Variants in KSR2 observed in about 807,000 individuals in gnomAD.
KSR2 encodes kinase suppressor of ras 2.
Under a neutral mutation model 107.8 loss-of-function variants are expected in KSR2, and 25 were observed. The observed-to-expected ratio is 0.23, with a 90% CI of 0.17 to 0.32. The LOEUF is 0.32. Among genes scored for constraint, KSR2 ranks in the 10% least tolerant of loss-of-function variants. The pLI, the probability that KSR2 is intolerant of heterozygous loss-of-function variation, is 1.00. For synonymous variants in KSR2, 480 were observed against 507.0 expected (o/e 0.95, Z 0.71); for missense variants, 887 against 1,268.9 (o/e 0.70, Z 4.57).
chr12:117,968,314 G>T lies in KSR2; in HGVS notation c.-59C>A, dbSNP rs1896861192. The T allele has an allele frequency of 1.4e-6, 2 of 1,453,644 alleles. No individual in the cohort carries two copies. Among genetic ancestry groups the T allele is most frequent in the Middle Eastern group, 2.5e-4 (1 of 3,928 alleles). The allele number at this position is 1,453,644 out of a possible 1,614,324, so 90.0% of individuals were successfully genotyped here. A position where few individuals can be genotyped will look rare whatever the true frequency, so the allele number is the denominator to read the frequency against. ...CTCCCAGAGAGAAAAAAGAGGGGGG[G>T]GAGTAGAGGTAGTCTACCCTCCGCC... On this transcript the variant is annotated 5_prime_UTR_variant, in exon 1 of 20. Coordinates refer to ENST00000339824, the MANE Select transcript of KSR2 (RefSeq NM_173598.6).
At position 117,613,377 on chromosome 12, in the gene KSR2, C is replaced by G. The variant is rs373009191; in HGVS notation, c.1172-31018G>C. On this transcript the variant is annotated intron_variant, in intron 5 of 19. Transcript: ENST00000339824. ...TCCCCAGCCTCAGTCCCAGACCCAG[C>G]TGAGTCCCAGACTTTCAGCTACTGG... Among the ~76,000 whole-genome samples, 12 of 152,334 alleles carry G rather than the reference C, an allele frequency of 7.9e-5. No individual in the cohort carries two copies. In the East Asian group the frequency reaches 9.6e-4, roughly 12 times the overall value.
chr12:117,637,279 T>C (rs1883136280), intron 5 of KSR2, among the ~76,000 whole-genome samples: 1 of 152,196 alleles, frequency 6.6e-6, no homozygotes, highest in Admixed American at 6.5e-5. Flanking sequence ...TTGACACTCA[T>C]CCCCACCTCG....
chr12:117,501,155 A>T (rs1003514849), intron 14 of KSR2, among the ~76,000 whole-genome samples: 2 of 152,260 alleles, frequency 1.3e-5, no homozygotes, highest in Non-Finnish European at 1.5e-5. Context: ...TGCCATGTGA[A>T]AATTATATGA....
chr12:117,529,581 T>G (rs537786979), intron 12 of KSR2, among the ~76,000 whole-genome samples: 4 of 152,184 alleles, frequency 2.6e-5, no homozygotes, highest in Non-Finnish European at 1.5e-5. Flanking sequence ...TTCCTAAGGA[T>G]GCTATGCACA....
chr12:117,949,210 T>TA (rs753401925), intron 1 of KSR2, among the ~76,000 whole-genome samples: 2 of 151,006 alleles, frequency 1.3e-5, no homozygotes, highest in East Asian at 1.9e-4. Flanking sequence ...ATGTAAATCA[T>TA]AAAAAAATAA....
intron 3 of KSR2, among the ~76,000 whole-genome samples, chr12:117,765,600 A>C (rs1018874945): frequency 6.6e-6 from 1 of 152,212 alleles, no homozygotes; most frequent in Non-Finnish European, 1.5e-5. Flanking sequence ...AATAAAACAC[A>C]CACACTCAAA....
chr12:117,587,235 T>C (rs953721678), intron 5 of KSR2, among the ~76,000 whole-genome samples: 4 of 152,174 alleles, frequency 2.6e-5, no homozygotes, highest in African/African-American at 9.7e-5. Context: ...GCTGAAGACG[T>C]GATCAAGTTA....
chr12:117,959,850 G>A (rs1044023798), intron 1 of KSR2, among the ~76,000 whole-genome samples: 3 of 151,724 alleles, frequency 2.0e-5, no homozygotes, highest in African/African-American at 7.3e-5. Flanking sequence ...AGGAAGGACT[G>A]AGCCTGGGAG....
chr12:117,595,803 C>T (rs1483274686), intron 5 of KSR2, among the ~76,000 whole-genome samples: 1 of 152,222 alleles, frequency 6.6e-6, no homozygotes, highest in East Asian at 1.9e-4. Flanking sequence ...TTATCAGTTA[C>T]TTTTGAAGAA....
chr12:117,845,635 A>G (rs1333952137), intron 3 of KSR2, among the ~76,000 whole-genome samples: 1 of 151,888 alleles, frequency 6.6e-6, no homozygotes, highest in Non-Finnish European at 1.5e-5. Flanking sequence ...GATTCAACCC[A>G]TTGAAATTGA....
At chr12:117,630,802 T>C (rs1477140936) in intron 5 of KSR2, among the ~76,000 whole-genome samples, 2 of 152,074 alleles carry the variant, frequency 1.3e-5, no homozygotes, top group Non-Finnish European at 2.9e-5. Context: ...CAATGAGTGG[T>C]ACCAATGAGT....
At chr12:117,960,207 T>G (rs77710569) in intron 1 of KSR2, among the ~76,000 whole-genome samples, 2 of 152,222 alleles carry the variant, frequency 1.3e-5, no homozygotes, top group African/African-American at 4.8e-5. Context: ...AGAGCCTTTG[T>G]TGATCATCCC....
At chr12:117,698,785 T>C (rs1261205657) in intron 4 of KSR2, among the ~76,000 whole-genome samples, 1 of 152,204 alleles carries the variant, frequency 6.6e-6, no homozygotes, top group East Asian at 1.9e-4. Flanking sequence ...TTTTCCTCCT[T>C]GTTTTCTCCT....
intron 17 of KSR2, among the ~76,000 whole-genome samples, chr12:117,475,861 T>A (rs1170401752): frequency 6.6e-6 from 1 of 152,220 alleles, no homozygotes. Flanking sequence ...GTAGCCACCA[T>A]GTTGTGAAGT....
chr12:117,526,669 C>T (rs1265257151), intron 13 of KSR2, among the ~76,000 whole-genome samples: 1 of 152,192 alleles, frequency 6.6e-6, no homozygotes, highest in East Asian at 1.9e-4. Context: ...TCTGCAGCCA[C>T]TTAGGCAGGT....
chr12:117,515,323 C>T (rs989430594), intron 14 of KSR2, among the ~76,000 whole-genome samples: 12 of 152,224 alleles, frequency 7.9e-5, no homozygotes, highest in Non-Finnish European at 1.6e-4. Flanking sequence ...TTCTTTATGT[C>T]TACTCATTTC....
intron 4 of KSR2, among the ~76,000 whole-genome samples, chr12:117,713,779 T>C (rs1393721643): frequency 6.6e-6 from 1 of 151,490 alleles, no homozygotes; most frequent in Non-Finnish European, 1.5e-5. Context: ...GAAGGGCTTC[T>C]GGAGTGAGAG....
intron 1 of KSR2, among the ~76,000 whole-genome samples, chr12:117,947,036 G>T (rs913344631): frequency 4.6e-5 from 7 of 151,636 alleles, no homozygotes; most frequent in Non-Finnish European, 1.0e-4. Flanking sequence ...GGGTGTGGTG[G>T]TGCATGCCTG....
At chr12:117,818,459 G>A (rs1019462527) in intron 3 of KSR2, among the ~76,000 whole-genome samples, 5 of 152,176 alleles carry the variant, frequency 3.3e-5, no homozygotes, top group African/African-American at 4.8e-5. Context: ...AGGTTGCTAT[G>A]AGAAAGAAGG....
Sources: allele counts gnomAD v4.1 joint callset (sites outside exome capture counted in the v4.1 genomes callset), GRCh38; gene constraint gnomAD v4.1.1; transcripts MANE v1.5; gene names NCBI Gene and HGNC (gene_info 2026-07-23, HGNC 2026-07-21).